ARRB2: variants seen among roughly 807,000 people sequenced by gnomAD.
ARRB2 encodes arrestin beta 2.
ARRB2 carries 21 observed loss-of-function variants against 53.4 expected under a neutral mutation model. The ratio of observed to expected loss-of-function variants is 0.39; its 90% CI spans 0.28 to 0.57. The LOEUF (loss-of-function observed/expected upper bound fraction) is 0.57, where lower values mean the gene tolerates loss of function less well. Among genes scored for constraint, ARRB2 ranks in the 20% least tolerant of loss-of-function variants. The pLI is 0.55. For missense variants in ARRB2, 369 were observed against 527.5 expected (o/e 0.70, Z 2.94); for synonymous variants, 180 against 212.9 (o/e 0.85, Z 1.34).
Position 4,716,627 on chromosome 17 carries a change from T to G in ARRB2, c.357+19T>G, listed in dbSNP as rs1915074670. On this transcript the variant is annotated intron_variant, in intron 5 of 14. Transcript: ENST00000269260. ...CTTCACCGTGAGGATGCCCCTGCCC[T>G]CTGAGGGCCAGGGGGCTGGGGCTGG... 10 of 1,510,958 alleles carry G rather than the reference T, an allele frequency of 6.6e-6. No homozygotes were observed. The East Asian group carries it at 2.6e-4, about 39-fold the overall frequency. The allele number at this position is 1,510,958 out of a possible 1,614,324, so 93.6% of individuals were successfully genotyped here. A position where few individuals can be genotyped will look rare whatever the true frequency, so the allele number is the denominator to read the frequency against.
chr17:4,719,219 C>T, intron 10 of ARRB2, 64 bp from the exon 11 acceptor site: 1 of 1,563,370 alleles, frequency 6.4e-7, no homozygotes, highest in Non-Finnish European at 8.7e-7. Flanking sequence ...GCTTGGGGGT[C>T]ATAGGCCGCC....
Position 4,721,214 on chromosome 17 carries a change from C to T in ARRB2, c.*175C>T, listed in dbSNP as rs34905691. On this transcript the variant is annotated 3_prime_UTR_variant, in exon 15 of 15. Transcript: ENST00000269260. This position sits in a 1 kb window ranked among gnomAD's most constrained non-coding sequence, Gnocchi z 4.2. ...CATCCCCCCAAGATACACACTGGAC[C>T]CTCTCTTGCTGAATGTGGGCATTAA... 6,866 of 600,788 alleles carry T rather than the reference C, an allele frequency of 0.011. 62 individuals carry two copies. Among genetic ancestry groups the T allele is most frequent in the Middle Eastern group, 0.051 (116 of 2,282 alleles). The allele number at this position is 600,788 out of a possible 1,614,324, so 37.2% of individuals were successfully genotyped here.
chr17:4,721,206 C>T lies in ARRB2; in HGVS notation c.*167C>T. The T allele has an allele frequency of 1.6e-6, 1 of 635,996 alleles. No homozygotes were observed. The highest frequency in any genetic ancestry group is 2.6e-6 in the Non-Finnish European group (1 of 378,328). 39.4% of individuals were successfully genotyped at this position (635,996 alleles called of 1,614,324 possible). On this transcript the variant is annotated 3_prime_UTR_variant, in exon 15 of 15. Transcript: ENST00000269260. This position sits in a 1 kb window ranked among gnomAD's most constrained non-coding sequence, Gnocchi z 4.2. ...CTCTCCCCCATCCCCCCAAGATACA[C>T]ACTGGACCCTCTCTTGCTGAATGTG...
chr17:4,716,785 T>C, intron 5 of ARRB2, 177 bp downstream of exon 5: 1 of 1,226,742 alleles, frequency 8.2e-7, no homozygotes, highest in Non-Finnish European at 1.1e-6. Context: ...GCCTCCTCTC[T>C]GGGGCCCCTT....
intron 1 of ARRB2, among the ~76,000 whole-genome samples, chr17:4,711,818 C>T (rs909428908): frequency 2.6e-5 from 4 of 152,210 alleles, no homozygotes; most frequent in Non-Finnish European, 4.4e-5. Flanking sequence ...AGACTGCTAA[C>T]TTGGCACAAT....
At chr17:4,720,055 A>G (rs559493584) in intron 11 of ARRB2, among the ~76,000 whole-genome samples, 161 bp from the exon 12 acceptor site, 1 of 152,250 alleles carries the variant, frequency 6.6e-6, no homozygotes, top group East Asian at 1.9e-4. Flanking sequence ...CTGAGCAGGG[A>G]GTGCAGTGCG....
In ARRB2 at chr17:4,721,399, ACTCT is replaced by A; in HGVS notation, c.*365_*368del. 7.1e-6 allele frequency: 3 copies of A among 421,326 alleles called. No individual in the cohort carries two copies. The highest frequency in any genetic ancestry group is 1.3e-5 in the Non-Finnish European group (3 of 239,680). 26.1% of individuals were successfully genotyped at this position (421,326 alleles called of 1,614,324 possible). A position where few individuals can be genotyped will look rare whatever the true frequency, so the allele number is the denominator to read the frequency against. Reference sequence around the variant, plus strand: ...CCTCACACCAACACCTCCCATTATCACTCTCTCTGCCCCCATTCCTTCAAGAGGA... The same window carrying A: ...CCTCACACCAACACCTCCCATTATCACTCTGCCCCCATTCCTTCAAGAGGA... On this transcript the variant is annotated 3_prime_UTR_variant, in exon 15 of 15. Coordinates refer to ENST00000269260, the MANE Select transcript of ARRB2 (RefSeq NM_004313.4). This position sits in a 1 kb window ranked among gnomAD's most constrained non-coding sequence, Gnocchi z 4.2.
Position 4,711,515 on chromosome 17 carries a change from C to T in ARRB2, c.23+771C>T, listed in dbSNP as rs909376488. The stretch of plus-strand genomic sequence containing the variant: ...GTCGCAGGGGAGCGGGAGCAAAAGA[C>T]GAAAAGGTTGGGGCTGTAGGCCTCA... On this transcript the variant is annotated intron_variant, in intron 1 of 14. Transcript: ENST00000269260. Among the ~76,000 whole-genome samples the T allele has an allele frequency of 2.6e-5, 4 of 152,168 alleles. No homozygotes were observed. In the East Asian group the frequency reaches 7.7e-4, roughly 29 times the overall value.
chr17:4,712,907 C>T (rs1450202988), intron 1 of ARRB2, among the ~76,000 whole-genome samples: 1 of 152,240 alleles, frequency 6.6e-6, no homozygotes. Context: ...CTTGACCTCT[C>T]TCTGCCTCAG....
chr17:4,714,310 G>A (rs563867342), intron 1 of ARRB2, among the ~76,000 whole-genome samples: 2 of 152,240 alleles, frequency 1.3e-5, no homozygotes, highest in East Asian at 3.9e-4. Context: ...ACAGTTGGAG[G>A]TGAGTAGAGT....
chr17:4,721,005 T>G lies in ARRB2; in HGVS notation c.1196T>G (p.Met399Arg). 1 of 1,613,782 alleles carries G rather than the reference T, an allele frequency of 6.2e-7. No homozygotes were observed. Among genetic ancestry groups the G allele is most frequent in the Non-Finnish European group, 8.5e-7 (1 of 1,179,946 alleles). Residue 399 changes from methionine to arginine, a missense_variant, in exon 15 of 15, where the codon ATG becomes AGG. Transcript: ENST00000269260. This position sits in a 1 kb window ranked among gnomAD's most constrained non-coding sequence, Gnocchi z 4.2. ...EDFARLRLKG[M>R]KDDDYDDQLC ...TTTGCCCGGCTTCGGCTGAAGGGGA[T>G]GAAGGATGACGACTATGATGATCAA...
intron 4 of ARRB2, 77 bp from the exon 5 acceptor site, chr17:4,716,335 G>T: frequency 6.2e-7 from 1 of 1,609,268 alleles, no homozygotes; most frequent in Non-Finnish European, 8.5e-7. Context: ...GCTGCTGAGG[G>T]AGGAGCAGCG....
At position 4,715,955 on chromosome 17, in the gene ARRB2, AC is replaced by A; in HGVS notation, c.55-14del. 1 of 1,613,972 alleles carries A rather than the reference AC, an allele frequency of 6.2e-7. No homozygotes were observed. Among genetic ancestry groups the A allele is most frequent in the Non-Finnish European group, 8.5e-7 (1 of 1,179,976 alleles). On this transcript the variant is annotated splice_polypyrimidine_tract_variant and intron_variant, in intron 2 of 14. Transcript: ENST00000269260. ...ACCATCCTCCCCAATCTCCCCTGTG[AC>A]CCCTTGACATCCTCAGCTCACCGTG... is the stretch of plus-strand genomic sequence containing the variant.
In ARRB2 at chr17:4,717,277, G is replaced by A; in HGVS notation, c.417+1G>A. 1.2e-6 allele frequency: 2 copies of A among 1,614,114 alleles called. No homozygotes were observed. The highest frequency in any genetic ancestry group is 1.7e-6 in the Non-Finnish European group (2 of 1,179,978). On this transcript the variant is annotated splice_donor_variant, in intron 6 of 14. Coordinates refer to ENST00000269260, the MANE Select transcript of ARRB2 (RefSeq NM_004313.4). LOFTEE classifies it high-confidence loss of function. This position sits in a 1 kb window ranked among gnomAD's most constrained non-coding sequence, Gnocchi z 6.0. ...GCCAGGCCCAGAGGATACAGGAAAG[G>A]TACGGGAGGAACAGCTCTGAGGGCT... is the stretch of plus-strand genomic sequence containing the variant.
At chr17:4,712,966 TTTTA>T (rs147196977) in intron 1 of ARRB2, among the ~76,000 whole-genome samples, 3,071 of 152,288 alleles carry the variant, frequency 0.02, 104 homozygotes, top group African/African-American at 0.07. Context: ...CACTGGGTGG[TTTTA>T]TTTAATTTAA....
rs1597491219 is a variant in ARRB2, at chr17:4,721,256, C to T, written c.*217C>T. 7.6e-6 allele frequency: 4 copies of T among 526,388 alleles called. No individual in the cohort carries two copies. The East Asian group carries it at 1.3e-4, about 17-fold the overall frequency. 32.6% of individuals were successfully genotyped at this position (526,388 alleles called of 1,614,324 possible). On this transcript the variant is annotated 3_prime_UTR_variant, in exon 15 of 15. Transcript: ENST00000269260. The surrounding 1 kb of genome is among the most constrained non-coding windows in gnomAD (Gnocchi z 4.2). ...GGGCATTAATTTTTTGACTGCAGCT[C>T]TGCTTCTCCAGCCCCGCCGTGGGTG...
At chr17:4,716,103 G>A in intron 3 of ARRB2, 44 bp from the exon 4 acceptor site, 4 of 1,614,170 alleles carry the variant, frequency 2.5e-6, no homozygotes, top group Non-Finnish European at 3.4e-6. Flanking sequence ...AGGAAAGCGG[G>A]GAGCGGCCCT....
chr17:4,715,482 C>CAG, intron 2 of ARRB2: 28 of 132,188 alleles, frequency 2.1e-4, no homozygotes, highest in East Asian at 6.0e-4. Flanking sequence ...CACACACACA[C>CAG]ACAGACACAC....
At chr17:4,720,114 G>A (rs1323003049) in intron 11 of ARRB2, 102 bp from the exon 12 acceptor site, 1 of 1,234,158 alleles carries the variant, frequency 8.1e-7, no homozygotes, top group Non-Finnish European at 1.2e-6. Flanking sequence ...CTGGGGGCCT[G>A]TGCGAGTTTG....
Sources: gnomAD v4.1 joint callset for allele counts (sites outside exome capture counted in the v4.1 genomes callset) on GRCh38, gnomAD v4.1.1 for gene constraint, Gnocchi (gnomAD v3.1) non-coding constraint, MANE v1.5 for transcripts, NCBI Gene and HGNC (gene_info 2026-07-23, HGNC 2026-07-21) for gene names.